The following SUMF1 variants were observed in gnomAD, a reference collection of about 807,000 sequenced individuals.
SUMF1 encodes formylglycine-generating enzyme.
In SUMF1, 48 loss-of-function variants were observed where a neutral mutation model predicts 47.6. The ratio of observed to expected loss-of-function variants is 1.01; its 90% CI spans 0.80 to 1.28. The LOEUF (loss-of-function observed/expected upper bound fraction) is 1.28, where lower values mean the gene tolerates loss of function less well. Ranked by LOEUF, SUMF1 falls within the 50% of genes most tolerant of loss-of-function variation. The pLI is 0.00. For missense variants in SUMF1, 571 were observed against 485.4 expected (o/e 1.18, Z -1.66); for synonymous variants, 230 against 192.1 (o/e 1.20, Z -1.63).
At chr3:4,396,690 T>A (rs770438758) in intron 7 of SUMF1, among the ~76,000 whole-genome samples, 1 of 152,174 alleles carries the variant, frequency 6.6e-6, no homozygotes, top group Admixed American at 6.5e-5. Context: ...GGTTTCTTGC[T>A]GAGGTGTGAG....
At chr3:4,224,505 A>T (rs965511441) in intron 8 of SUMF1, among the ~76,000 whole-genome samples, 10 of 152,032 alleles carry the variant, frequency 6.6e-5, no homozygotes, top group African/African-American at 2.4e-4. Flanking sequence ...TAGACAGATG[A>T]CCCAAATCAG....
Position 4,411,070 on chromosome 3 carries a change from A to G in SUMF1, c.841-92T>C, listed in dbSNP as rs368712863. On this transcript the variant is annotated intron_variant, in intron 6 of 8. Coordinates refer to ENST00000272902, the MANE Select transcript of SUMF1 (RefSeq NM_182760.4). ...GAAATGCAGCAAGAGCTTTAATTTC[A>G]GAGTATGAATGTTGGGTTTTATTCC... 12 of 1,036,232 alleles carry G rather than the reference A, an allele frequency of 1.2e-5. No homozygotes were observed. The African/African-American group carries it at 1.4e-4, about 12-fold the overall frequency. The allele number at this position is 1,036,232 out of a possible 1,614,324, so 64.2% of individuals were successfully genotyped here.
chr3:4,229,331 C>G, intron 8 of SUMF1: 1 of 413,674 alleles, frequency 2.4e-6, no homozygotes, highest in South Asian at 1.7e-5. Context: ...TCTGGTGAGC[C>G]TTTGATAATC....
chr3:4,335,295 C>T (rs889959812), intron 8 of SUMF1, among the ~76,000 whole-genome samples: 1 of 152,158 alleles, frequency 6.6e-6, no homozygotes, highest in African/African-American at 2.4e-5. Flanking sequence ...CAAGACCAGA[C>T]CACCCTACCT....
At chr3:4,439,423 G>A (rs1702505629) in intron 3 of SUMF1, among the ~76,000 whole-genome samples, 1 of 152,108 alleles carries the variant, frequency 6.6e-6, no homozygotes, top group Non-Finnish European at 1.5e-5. Context: ...CTACTCGAGA[G>A]GCAGAGGTGG....
chr3:4,097,568 A>G (rs1188593237), intron 8 of SUMF1, among the ~76,000 whole-genome samples: 1 of 152,054 alleles, frequency 6.6e-6, no homozygotes, highest in Non-Finnish European at 1.5e-5. Context: ...AACAAAAACA[A>G]AAACAAAAAA....
At chr3:4,423,553 C>T (rs771163280) in intron 3 of SUMF1, among the ~76,000 whole-genome samples, 1 of 152,104 alleles carries the variant, frequency 6.6e-6, no homozygotes, top group Non-Finnish European at 1.5e-5. Context: ...TAGCACTGAA[C>T]CTGATTCTTG....
intron 8 of SUMF1, among the ~76,000 whole-genome samples, chr3:4,168,459 G>A (rs936867350): frequency 6.6e-6 from 1 of 152,136 alleles, no homozygotes; most frequent in Non-Finnish European, 1.5e-5. Context: ...AGCAAGGTTG[G>A]TCTTCACATC....
intron 8 of SUMF1, among the ~76,000 whole-genome samples, chr3:4,225,294 CAGG>C (rs996809319): frequency 6.6e-6 from 1 of 152,130 alleles, no homozygotes. Context: ...CCACAGGCCT[CAGG>C]AGCTCAGTCA....
intron 8 of SUMF1, chr3:4,303,682 C>T: frequency 6.7e-7 from 1 of 1,498,160 alleles, no homozygotes; most frequent in Non-Finnish European, 8.9e-7. Flanking sequence ...ATGCCCCGGC[C>T]TGGGCCTTTT....
chr3:4,350,944 G>GA (rs201910548), intron 8 of SUMF1, among the ~76,000 whole-genome samples: 15,644 of 143,792 alleles, frequency 0.11, 1,426 homozygotes, highest in South Asian at 0.28. Context: ...AACAAAAAAA[G>GA]AAAAAAAAAA....
chr3:4,128,152 G>A (rs574101439), intron 8 of SUMF1, among the ~76,000 whole-genome samples: 14 of 152,108 alleles, frequency 9.2e-5, no homozygotes, highest in Non-Finnish European at 1.8e-4. Flanking sequence ...AGATTGCCCT[G>A]AGTAAGATTC....
chr3:4,316,134 G>T, intron 8 of SUMF1: 1 of 592,304 alleles, frequency 1.7e-6, no homozygotes, highest in Non-Finnish European at 3.0e-6. Flanking sequence ...ATGTGGTCAT[G>T]TTATACACCA....
At chr3:4,092,953 C>G (rs1692820021) in intron 8 of SUMF1, among the ~76,000 whole-genome samples, 1 of 151,602 alleles carries the variant, frequency 6.6e-6, no homozygotes, top group Admixed American at 6.6e-5. Context: ...GAAAAAAAAA[C>G]AAGGAGGAAG....
chr3:4,449,248 T>A lies in SUMF1; in HGVS notation c.519+18A>T. 1 of 1,613,886 alleles carries A rather than the reference T, an allele frequency of 6.2e-7. No individual in the cohort carries two copies. The highest frequency in any genetic ancestry group is 8.5e-7 in the Non-Finnish European group (1 of 1,179,726). On this transcript the variant is annotated intron_variant, in intron 3 of 8. Coordinates refer to ENST00000272902, the MANE Select transcript of SUMF1 (RefSeq NM_182760.4). The stretch of plus-strand genomic sequence containing the variant: ...TGAGCCTTAGAGAAATACAGGAGCC[T>A]GTTGAAACATTACTTACTGCCTGTT...
intron 8 of SUMF1, among the ~76,000 whole-genome samples, chr3:4,171,704 ATGT>A (rs1694835757): frequency 6.6e-6 from 1 of 152,128 alleles, no homozygotes; most frequent in Non-Finnish European, 1.5e-5. Flanking sequence ...AGAATGACTG[ATGT>A]TCCAGATAAA....
intron 8 of SUMF1, among the ~76,000 whole-genome samples, chr3:4,071,162 C>G (rs1374403861): frequency 6.6e-6 from 1 of 152,088 alleles, no homozygotes; most frequent in Non-Finnish European, 1.5e-5. Flanking sequence ...GCATTTAAAA[C>G]TGGCATTAGG....
At chr3:4,366,249 TCTGAATGTTGGC>T (rs920809628) in intron 8 of SUMF1, among the ~76,000 whole-genome samples, 1 of 152,112 alleles carries the variant, frequency 6.6e-6, no homozygotes, top group Non-Finnish European at 1.5e-5. Context: ...ATTTCCTGAA[TCTGAATGTTGGC>T]CTGCCTTGTT....
intron 8 of SUMF1, among the ~76,000 whole-genome samples, chr3:4,240,662 T>C (rs1422765799): frequency 6.6e-6 from 1 of 151,976 alleles, no homozygotes; most frequent in Non-Finnish European, 1.5e-5. Context: ...GTATCAAAAA[T>C]TACAAGAAAA....
Sources: gnomAD v4.1 joint callset for allele counts (sites outside exome capture counted in the v4.1 genomes callset) on GRCh38, gnomAD v4.1.1 for gene constraint, MANE v1.5 for transcripts, NCBI Gene and HGNC (gene_info 2026-07-23, HGNC 2026-07-21) for gene names.